The following NFIB variants were observed in gnomAD, a reference collection of about 807,000 sequenced individuals.
The protein encoded by NFIB is nuclear factor 1 B-type.
A neutral mutation model predicts 61.5 loss-of-function variants in NFIB; 11 were observed. The observed-to-expected ratio is 0.18, with a 90% CI of 0.11 to 0.30. The LOEUF (loss-of-function observed/expected upper bound fraction) is 0.30, where lower values mean the gene tolerates loss of function less well. NFIB is among the 10% of genes least tolerant of loss of function. NFIB has a pLI of 1.00. For synonymous variants in NFIB, 260 were observed against 216.5 expected (o/e 1.20, Z -1.76); for missense variants, 471 against 608.9 (o/e 0.77, Z 2.38).
the NFIB span, among the ~76,000 whole-genome samples, chr9:14,485,992 A>G: frequency 6.6e-6 from 1 of 152,224 alleles, no homozygotes; most frequent in Admixed American, 6.5e-5. Flanking sequence ...AAATAGTGCT[A>G]TAAGTAGAGG....
At chr9:14,270,836 C>T (rs1353476497) in intron 2 of NFIB, among the ~76,000 whole-genome samples, 2 of 152,092 alleles carry the variant, frequency 1.3e-5, no homozygotes, top group Non-Finnish European at 2.9e-5. Context: ...TAAAGCAGAA[C>T]CTATGAGTTC....
intron 1 of NFIB, among the ~76,000 whole-genome samples, chr9:14,325,935 T>G (rs2060747146): frequency 6.6e-6 from 1 of 152,224 alleles, no homozygotes; most frequent in African/African-American, 2.4e-5. Context: ...AAATGCATAT[T>G]GTATTTTTAA....
chr9:14,496,346 T>C, the NFIB span, among the ~76,000 whole-genome samples: 1 of 152,246 alleles, frequency 6.6e-6, no homozygotes, highest in East Asian at 1.9e-4. Flanking sequence ...AACTGTGTTG[T>C]GTACCTACAT....
chr9:14,156,545 G>C (rs190297027), intron 3 of NFIB, among the ~76,000 whole-genome samples: 45 of 152,248 alleles, frequency 3.0e-4, no homozygotes, highest in African/African-American at 8.2e-4. Context: ...TCAAGAATTA[G>C]ACAACTTTTC....
chr9:14,264,731 C>A (rs2057058545), intron 2 of NFIB, among the ~76,000 whole-genome samples: 4 of 152,108 alleles, frequency 2.6e-5, no homozygotes, highest in Admixed American at 2.6e-4. Flanking sequence ...AAAAGGATTT[C>A]AAACAGTCTG....
At chr9:14,462,456 G>C in the NFIB span, among the ~76,000 whole-genome samples, 1 of 151,860 alleles carries the variant, frequency 6.6e-6, no homozygotes, top group Non-Finnish European at 1.5e-5. Flanking sequence ...CTAATTTTTT[G>C]TATTTTTAGT....
chr9:14,129,958 C>A (rs970240924), intron 6 of NFIB, among the ~76,000 whole-genome samples: 15 of 152,280 alleles, frequency 9.9e-5, no homozygotes, highest in African/African-American at 3.4e-4. Context: ...TGAAGAGAAA[C>A]AAGTAGAGGC....
At chr9:14,139,389 A>T (rs1163292404) in intron 6 of NFIB, among the ~76,000 whole-genome samples, 1 of 152,218 alleles carries the variant, frequency 6.6e-6, no homozygotes, top group Non-Finnish European at 1.5e-5. Flanking sequence ...AAGCTTAAAC[A>T]TGAACTCAAT....
chr9:14,388,570 G>A (rs769154460), intron 1 of NFIB, among the ~76,000 whole-genome samples: 8 of 151,994 alleles, frequency 5.3e-5, no homozygotes, highest in Non-Finnish European at 1.0e-4. Flanking sequence ...CATGTGCTAT[G>A]ATACTCAGTG....
rs115527097 is a variant in NFIB, at chr9:14,151,446, G to C, written c.686-1181C>G. On this transcript the variant is annotated intron_variant, in intron 4 of 10. Transcript: ENST00000380953. ...ATATATTGCCCTTAATAAAAATATT[G>C]GGCAACAAGCTGGGTAAGTAAAACA... 6.3e-3 allele frequency among the ~76,000 whole-genome samples: 959 copies of C among 152,086 alleles called. 10 individuals are homozygous for C. The highest frequency in any genetic ancestry group is 0.021 in the African/African-American group (886 of 41,494).
chr9:14,396,488 G>A (rs1404781009), intron 1 of NFIB, among the ~76,000 whole-genome samples: 1 of 152,024 alleles, frequency 6.6e-6, no homozygotes, highest in African/African-American at 2.4e-5. Context: ...CAGGTGGGGA[G>A]CCTCTTTACT....
chr9:14,310,561 A>G (rs1284398916), intron 1 of NFIB, among the ~76,000 whole-genome samples: 1 of 152,216 alleles, frequency 6.6e-6, no homozygotes, highest in Non-Finnish European at 1.5e-5. Context: ...ATTTTTTTAA[A>G]AGGTGATTAA....
chr9:14,320,604 A>G lies in NFIB; in HGVS notation c.109-13084T>C, dbSNP rs530439845. ...GCTTAAAGGTCAGTTTCTTTGCCTC[A>G]CAATGCTTTTCTTCATATTGTAAAT... On this transcript the variant is annotated intron_variant, in intron 1 of 8. Transcript: ENST00000380934. Among the ~76,000 whole-genome samples, 59 of 152,344 alleles carry G rather than the reference A, an allele frequency of 3.9e-4. 2 individuals carry two copies. Among genetic ancestry groups the G allele is most frequent in the Middle Eastern group, 6.8e-3 (2 of 294 alleles).
chr9:14,343,167 A>G (rs2060972848), intron 1 of NFIB, among the ~76,000 whole-genome samples: 1 of 152,272 alleles, frequency 6.6e-6, no homozygotes, highest in South Asian at 2.1e-4. Flanking sequence ...TTTTTCCCAC[A>G]ATCTTCTGAC....
the NFIB span, among the ~76,000 whole-genome samples, chr9:14,459,346 C>A: frequency 1.3e-5 from 2 of 152,168 alleles, no homozygotes; most frequent in African/African-American, 2.4e-5. Context: ...CCCTTCCTTA[C>A]ACCTTACACA....
chr9:14,202,914 C>A (rs527444281), intron 2 of NFIB, among the ~76,000 whole-genome samples: 1 of 152,302 alleles, frequency 6.6e-6, no homozygotes, highest in East Asian at 1.9e-4. Flanking sequence ...TTGAATGCTA[C>A]TTACATAGAA....
At chr9:14,282,938 T>C (rs1485341082) in intron 2 of NFIB, among the ~76,000 whole-genome samples, 1 of 152,156 alleles carries the variant, frequency 6.6e-6, no homozygotes, top group Non-Finnish European at 1.5e-5. Flanking sequence ...ATAAGTTAGT[T>C]GTGAGAATTA....
chr9:14,201,684 T>TA (rs2049049165), intron 2 of NFIB, among the ~76,000 whole-genome samples: 1 of 152,156 alleles, frequency 6.6e-6, no homozygotes, highest in African/African-American at 2.4e-5. Context: ...TATCCCAACT[T>TA]ACCCTGAATA....
intron 2 of NFIB, among the ~76,000 whole-genome samples, chr9:14,279,146 G>A (rs1270612723): frequency 1.3e-5 from 2 of 152,076 alleles, no homozygotes; most frequent in African/African-American, 4.8e-5. Context: ...ATCCTCAGGA[G>A]TGATTGTTAA....
Sources: gnomAD v4.1 joint callset for allele counts (sites outside exome capture counted in the v4.1 genomes callset) on GRCh38, gnomAD v4.1.1 for gene constraint, MANE v1.5 for transcripts, NCBI Gene and HGNC (gene_info 2026-07-23, HGNC 2026-07-21) for gene names.